CREB5: variants seen among roughly 807,000 people sequenced by gnomAD.
CREB5 encodes cAMP responsive element binding protein 5, also known as cyclic AMP-responsive element-binding protein 5.
A neutral mutation model predicts 57.1 loss-of-function variants in CREB5; 19 were observed. The observed-to-expected ratio is 0.33, with a 90% CI of 0.23 to 0.49. CREB5 has a LOEUF of 0.49. CREB5 is among the 20% of genes least tolerant of loss of function. The pLI is 0.99. For missense variants in CREB5, 579 were observed against 671.6 expected (o/e 0.86, Z 1.52); for synonymous variants, 238 against 238.3 (o/e 1.00, Z 0.01).
At chr7:28,689,821 T>C (rs1801154857) in intron 5 of CREB5, among the ~76,000 whole-genome samples, 1 of 152,070 alleles carries the variant, frequency 6.6e-6, no homozygotes, top group Non-Finnish European at 1.5e-5. Flanking sequence ...TCTGCTGCAT[T>C]TTTGACACCA....
At chr7:28,679,226 G>T (rs1015788894) in intron 5 of CREB5, among the ~76,000 whole-genome samples, 4 of 152,140 alleles carry the variant, frequency 2.6e-5, no homozygotes, top group Non-Finnish European at 5.9e-5. Flanking sequence ...AGATACTGCA[G>T]TGTTTTGAAC....
chr7:28,488,287 G>T lies in CREB5; in HGVS notation c.75+41G>T, dbSNP rs763892011. 3 of 1,590,696 alleles carry T rather than the reference G, an allele frequency of 1.9e-6. No individual in the cohort carries two copies. The Admixed American group carries it at 5.1e-5, about 27-fold the overall frequency. ...CTCCCTGCTCTGACATGCAGGGCCT[G>T]CTTTCCGAAAGGGAAGCAACTCTCA... On this transcript the variant is annotated intron_variant, in intron 2 of 10. Coordinates refer to ENST00000357727, the MANE Select transcript of CREB5 (RefSeq NM_182898.4).
chr7:28,790,466 G>GAA (rs1173967094), intron 7 of CREB5, among the ~76,000 whole-genome samples: 2 of 136,824 alleles, frequency 1.5e-5, no homozygotes, highest in Admixed American at 1.5e-4. Flanking sequence ...GAGAGATAGA[G>GAA]AGAGAGAGAA....
intron 1 of CREB5, among the ~76,000 whole-genome samples, chr7:28,325,444 G>T (rs1336693104): frequency 7.3e-6 from 1 of 137,590 alleles, no homozygotes; most frequent in Non-Finnish European, 1.6e-5. Context: ...GACACAGCAA[G>T]ACTCCATCTC....
intron 5 of CREB5, among the ~76,000 whole-genome samples, chr7:28,603,818 G>A (rs552937911): frequency 5.9e-5 from 9 of 152,262 alleles, no homozygotes; most frequent in African/African-American, 2.2e-4. Flanking sequence ...GTTTTGCTGT[G>A]GATTTAGGAG....
chr7:28,499,368 G>C (rs1205955113), intron 3 of CREB5, among the ~76,000 whole-genome samples: 1 of 152,112 alleles, frequency 6.6e-6, no homozygotes, highest in Non-Finnish European at 1.5e-5. Flanking sequence ...GAGAGGTTGA[G>C]ACAGCCCTCC....
Position 28,488,235 on chromosome 7 carries a change from G to C in CREB5, c.64G>C (p.Gly22Arg). The change falls in exon 2 of 11, where the codon GGC (glycine) becomes CGC (arginine). Residue 22 changes from glycine to arginine, a missense_variant. By Grantham distance (125) the Gly-to-Arg change is moderately radical (BLOSUM62 -2). This residue lies in a region of CREB5 where 459 missense variants were observed against 515.7 expected (regional missense o/e 0.89). Transcript: ENST00000357727. Reference protein sequence around the residue: ...QERPFVCSAPGCSQRFPTEDH... With the variant: ...QERPFVCSAPRCSQRFPTEDH... Reference sequence around the variant, plus strand: ...GAGGCCGTTTGTCTGCAGTGCCCCAGGCTGCTCCCAGGTGAGTGTGCGGAT... The same window carrying C: ...GAGGCCGTTTGTCTGCAGTGCCCCACGCTGCTCCCAGGTGAGTGTGCGGAT... The C allele has an allele frequency of 6.2e-7, 1 of 1,613,780 alleles. No homozygotes were observed. The highest frequency in any genetic ancestry group is 8.5e-7 in the Non-Finnish European group (1 of 1,179,838).
intron 1 of CREB5, among the ~76,000 whole-genome samples, chr7:28,375,175 A>T (rs2127994732): frequency 6.6e-6 from 1 of 152,370 alleles, no homozygotes; most frequent in Non-Finnish European, 1.5e-5. Flanking sequence ...CTCCTTAGAA[A>T]AAAAAGTTTG....
intron 5 of CREB5, among the ~76,000 whole-genome samples, chr7:28,627,450 G>A (rs996559426): frequency 6.6e-6 from 1 of 152,264 alleles, no homozygotes; most frequent in South Asian, 2.1e-4. Context: ...CATTTCTTCT[G>A]GGGTGGAGCC....
At chr7:28,658,990 A>ATATATATATATATGTGTGT (rs1562554757) in intron 5 of CREB5, among the ~76,000 whole-genome samples, 2 of 65,220 alleles carry the variant, frequency 3.1e-5, no homozygotes, top group African/African-American at 1.0e-4. Context: ...TGTATATATA[A>ATATATATATATATGTGTGT]GTCATAATTT....
intron 1 of CREB5, among the ~76,000 whole-genome samples, chr7:28,483,634 G>A (rs1055205489): frequency 4.6e-5 from 7 of 152,066 alleles, no homozygotes; most frequent in African/African-American, 1.4e-4. Context: ...CAAAGGTATC[G>A]GACTACTCAG....
chr7:28,670,182 T>A (rs1032121311), intron 5 of CREB5, among the ~76,000 whole-genome samples: 1 of 152,204 alleles, frequency 6.6e-6, no homozygotes, highest in African/African-American at 2.4e-5. Flanking sequence ...TGCATACCTA[T>A]GATAAAGTTT....
intron 1 of CREB5, among the ~76,000 whole-genome samples, chr7:28,335,728 C>T (rs998412105): frequency 6.6e-6 from 1 of 152,008 alleles, no homozygotes; most frequent in Non-Finnish European, 1.5e-5. Context: ...GCTAGGACTT[C>T]CAGTACTATG....
At chr7:28,499,230 T>C (rs147429937) in intron 3 of CREB5, among the ~76,000 whole-genome samples, 2 of 150,382 alleles carry the variant, frequency 1.3e-5, no homozygotes, top group East Asian at 2.0e-4. Context: ...ACCTTATTTA[T>C]AGCTGAACAG....
chr7:28,548,740 G>A (rs902215882), intron 4 of CREB5, among the ~76,000 whole-genome samples: 2 of 152,200 alleles, frequency 1.3e-5, no homozygotes, highest in South Asian at 2.1e-4. Flanking sequence ...CAATTAGCCC[G>A]AATTATGTTT....
At chr7:28,560,897 C>T (rs1437482405) in intron 4 of CREB5, among the ~76,000 whole-genome samples, 3,437 of 22,224 alleles carry the variant, frequency 0.15, 572 homozygotes, top group Admixed American at 0.18. Flanking sequence ...CGTGTGTGTG[C>T]GTGCGCGCGT....
intron 4 of CREB5, among the ~76,000 whole-genome samples, chr7:28,530,606 T>C (rs1376226522): frequency 6.6e-6 from 1 of 152,230 alleles, no homozygotes; most frequent in Non-Finnish European, 1.5e-5. Context: ...GCGATTATCA[T>C]ATAAAAGGCT....
intron 9 of CREB5, among the ~76,000 whole-genome samples, chr7:28,813,958 T>C (rs1809274701): frequency 6.6e-6 from 1 of 152,230 alleles, no homozygotes; most frequent in Non-Finnish European, 1.5e-5. Context: ...AAAATACTTT[T>C]ATATTAAGAC....
Position 28,724,289 on chromosome 7 carries a change from G to A in CREB5, c.659G>A (p.Cys220Tyr), listed in dbSNP as rs1314744262. 1.9e-6 allele frequency: 3 copies of A among 1,613,680 alleles called. No homozygotes were observed. The highest frequency in any genetic ancestry group is 1.7e-6 in the Non-Finnish European group (2 of 1,179,868). The part of the protein sequence containing the change: ...GMQGPNLSNP[C>Y]ASPQVQPMHS... ...CAAGGTCCAAATCTCAGCAACCCCT[G>A]TGCTTCTCCCCAGGTCCAGCCAATG... Residue 220 changes from cysteine (C) to tyrosine (Y), a missense_variant, in exon 7 of 11, where the codon TGT (cysteine) becomes TAT (tyrosine). Cys to Tyr is a radical substitution (Grantham distance 194). This residue lies in a region of CREB5 where 459 missense variants were observed against 515.7 expected (regional missense o/e 0.89). Coordinates refer to ENST00000357727, the MANE Select transcript of CREB5 (RefSeq NM_182898.4).
Sources: allele counts gnomAD v4.1 joint callset (sites outside exome capture counted in the v4.1 genomes callset), GRCh38; gene constraint gnomAD v4.1.1; regional missense constraint gnomAD v4.1.1; transcripts MANE v1.5; gene names NCBI Gene and HGNC (gene_info 2026-07-23, HGNC 2026-07-21).